The following KLF12 variants were observed in gnomAD, a reference collection of about 807,000 sequenced individuals.
The protein encoded by KLF12 is KLF transcription factor 12, also known as Krueppel-like factor 12.
A neutral mutation model predicts 37.8 loss-of-function variants in KLF12; 9 were observed. The observed-to-expected ratio is 0.24, with a 90% CI of 0.14 to 0.42. The LOEUF is 0.42. Among genes scored for constraint, KLF12 ranks in the 10% least tolerant of loss-of-function variants. The pLI is 1.00. For synonymous variants in KLF12, 208 were observed against 202.1 expected, an observed-to-expected ratio of 1.03 and a Z score of -0.25; for missense variants, 411 against 516.0, an observed-to-expected ratio of 0.80 and a Z score of 1.97.
chr13:74,185,284 G>A, the KLF12 span, among the ~76,000 whole-genome samples: 5 of 152,078 alleles, frequency 3.3e-5, no homozygotes, highest in South Asian at 1.0e-3. Context: ...TCCCCAAATG[G>A]TCTTACACAG....
chr13:73,904,716 T>G (rs180709469), intron 3 of KLF12, among the ~76,000 whole-genome samples: 217 of 152,288 alleles, frequency 1.4e-3, no homozygotes, highest in African/African-American at 4.8e-3. Flanking sequence ...ACGAGCAACA[T>G]GCTAAGTTAC....
At chr13:74,204,268 T>C in the KLF12 span, among the ~76,000 whole-genome samples, 1 of 152,242 alleles carries the variant, frequency 6.6e-6, no homozygotes, top group South Asian at 2.1e-4. Flanking sequence ...CCAGGGAAGG[T>C]TTTGAAATGT....
At chr13:73,953,032 G>A (rs936964458) in intron 2 of KLF12, among the ~76,000 whole-genome samples, 1 of 152,150 alleles carries the variant, frequency 6.6e-6, no homozygotes, top group African/African-American at 2.4e-5. Flanking sequence ...GGAGAAGAGT[G>A]TCAAGAATGA....
At chr13:74,295,987 T>C in the KLF12 span, among the ~76,000 whole-genome samples, 7 of 151,754 alleles carry the variant, frequency 4.6e-5, no homozygotes, top group Admixed American at 2.0e-4. Context: ...CCAAATTTTT[T>C]TTTTTTATAT....
chr13:73,839,014 T>C (rs1255850940), intron 4 of KLF12, among the ~76,000 whole-genome samples: 1 of 152,098 alleles, frequency 6.6e-6, no homozygotes, highest in East Asian at 1.9e-4. Flanking sequence ...CCATCAAGGT[T>C]ACTGGCTCAG....
chr13:74,140,930 C>T, the KLF12 span, among the ~76,000 whole-genome samples: 1 of 97,806 alleles, frequency 1.0e-5, no homozygotes, highest in East Asian at 3.2e-4. Context: ...GTGGCAGGCG[C>T]CTGTAATCCC....
chr13:73,872,718 T>C (rs886579394), intron 3 of KLF12, among the ~76,000 whole-genome samples: 13 of 152,344 alleles, frequency 8.5e-5, no homozygotes, highest in Admixed American at 6.5e-4. Flanking sequence ...CCTTGCTCCA[T>C]CTGCTCTTAA....
intron 6 of KLF12, among the ~76,000 whole-genome samples, chr13:73,739,448 T>C (rs942689715): frequency 2.0e-5 from 3 of 152,038 alleles, no homozygotes; most frequent in African/African-American, 4.8e-5. Context: ...TCAAGGGAAA[T>C]TGCAAAAGGG....
intron 6 of KLF12, among the ~76,000 whole-genome samples, chr13:73,720,051 G>A (rs1377692707): frequency 6.6e-6 from 1 of 152,150 alleles, no homozygotes; most frequent in Non-Finnish European, 1.5e-5. Context: ...AAATTTCTCA[G>A]TGGGAGGCCA....
intron 7 of KLF12, among the ~76,000 whole-genome samples, chr13:73,709,146 C>G (rs1226625331): frequency 6.6e-6 from 1 of 152,174 alleles, no homozygotes; most frequent in East Asian, 1.9e-4. Context: ...CTCAGCATTT[C>G]TTTTTCTATT....
the KLF12 span, among the ~76,000 whole-genome samples, chr13:74,252,571 C>T: frequency 2.6e-5 from 4 of 152,132 alleles, no homozygotes; most frequent in Admixed American, 1.3e-4. Flanking sequence ...CTAAAGATAA[C>T]GAAACTAAAG....
chr13:73,958,329 C>T (rs1025822101), intron 2 of KLF12, among the ~76,000 whole-genome samples: 13 of 151,772 alleles, frequency 8.6e-5, no homozygotes, highest in South Asian at 6.3e-4. Flanking sequence ...CTGCAGCCTC[C>T]GCCTCCTGGG....
the KLF12 span, among the ~76,000 whole-genome samples, chr13:74,210,818 T>G: frequency 6.6e-6 from 1 of 152,214 alleles, no homozygotes; most frequent in Admixed American, 6.5e-5. Flanking sequence ...GATCCAGTGT[T>G]CTCTTGGGAT....
chr13:74,130,877 G>C (rs1191603426), intron 1 of KLF12, among the ~76,000 whole-genome samples: 1 of 152,056 alleles, frequency 6.6e-6, no homozygotes, highest in Non-Finnish European at 1.5e-5. Context: ...ACAATATAAA[G>C]AAAACAAACC....
Position 73,855,441 on chromosome 13 carries a change from G to T in KLF12, c.124-9068C>A, listed in dbSNP as rs536750676. On this transcript the variant is annotated intron_variant, in intron 3 of 7. Transcript: ENST00000377669. The stretch of plus-strand genomic sequence containing the variant: ...GATTTCGTTTTTGTGTGTGTGTGTG[G>T]CTGCATAGTATTCCACGGTGTATAT... Among the ~76,000 whole-genome samples, 8 of 152,210 alleles carry T rather than the reference G, an allele frequency of 5.3e-5. No homozygotes were observed. In the East Asian group the frequency reaches 1.4e-3, roughly 26 times the overall value.
the KLF12 span, among the ~76,000 whole-genome samples, chr13:74,169,252 C>T: frequency 1.3e-5 from 2 of 152,092 alleles, no homozygotes; most frequent in African/African-American, 2.4e-5. Flanking sequence ...TTTGTGGCTG[C>T]AAGAGTTCTG....
At chr13:74,193,302 T>C in the KLF12 span, among the ~76,000 whole-genome samples, 74 of 152,172 alleles carry the variant, frequency 4.9e-4, 3 homozygotes, top group East Asian at 1.9e-4. Flanking sequence ...TTTTTAAAGA[T>C]GTGGAAGAAA....
the KLF12 span, among the ~76,000 whole-genome samples, chr13:74,204,755 T>C: frequency 6.6e-6 from 1 of 152,178 alleles, no homozygotes; most frequent in Non-Finnish European, 1.5e-5. Flanking sequence ...AGTTTCTGCA[T>C]GGCATCTGAA....
chr13:74,189,269 A>G, the KLF12 span, among the ~76,000 whole-genome samples: 1 of 152,206 alleles, frequency 6.6e-6, no homozygotes, highest in Non-Finnish European at 1.5e-5. Flanking sequence ...GTAGACTCAT[A>G]AGAAAAACTG....
Sources: allele counts gnomAD v4.1 joint callset (sites outside exome capture counted in the v4.1 genomes callset), GRCh38; gene constraint gnomAD v4.1.1; transcripts MANE v1.5; gene names NCBI Gene and HGNC (gene_info 2026-07-23, HGNC 2026-07-21).